Variants in KLHL3 observed in about 807,000 individuals in gnomAD.
The protein encoded by KLHL3 is kelch like family member 3.
KLHL3 carries 19 observed loss-of-function variants against 70.5 expected under a neutral mutation model. The ratio of observed to expected loss-of-function variants is 0.27; its 90% CI spans 0.19 to 0.40. KLHL3 has a LOEUF of 0.40. KLHL3 is among the 10% of genes least tolerant of loss of function. KLHL3 has a pLI of 1.00. For synonymous variants in KLHL3, 258 were observed against 290.3 expected (o/e 0.89, Z 1.13); for missense variants, 512 against 771.1 (o/e 0.66, Z 3.98).
chr5:137,617,913 C>T lies in KLHL3; in HGVS notation c.*4185G>A, dbSNP rs914974414. On this transcript the variant is annotated 3_prime_UTR_variant, in exon 15 of 15. Transcript: ENST00000309755. ...TGGGGGAGCGAATAATTTACAATCT[C>T]ATAACCAAACATGGCACTAGGGTGA... 10 of 152,508 alleles carry T rather than the reference C, an allele frequency of 6.6e-5. No individual in the cohort carries two copies. Among genetic ancestry groups the T allele is most frequent in the Non-Finnish European group, 1.5e-4 (10 of 68,036 alleles). The allele number at this position is 152,508 out of a possible 1,614,324, so 9.4% of individuals were successfully genotyped here.
intron 6 of KLHL3, among the ~76,000 whole-genome samples, chr5:137,676,251 T>C (rs909304735): frequency 6.6e-6 from 1 of 152,214 alleles, no homozygotes; most frequent in African/African-American, 2.4e-5. Flanking sequence ...AGGCAGGGGT[T>C]TGTGAATTTT....
chr5:137,641,447 T>C (rs1580726370), intron 8 of KLHL3, among the ~76,000 whole-genome samples: 1 of 152,140 alleles, frequency 6.6e-6, no homozygotes, highest in Non-Finnish European at 1.5e-5. Context: ...CTAGGGTTCA[T>C]ACTTTGAGAA....
intron 6 of KLHL3, among the ~76,000 whole-genome samples, chr5:137,672,443 C>T (rs559271688): frequency 6.6e-6 from 1 of 152,204 alleles, no homozygotes; most frequent in Non-Finnish European, 1.5e-5. Flanking sequence ...AAGGAGACAA[C>T]AGCGCATTTT....
At chr5:137,735,352 T>A (rs551469306) in intron 1 of KLHL3, among the ~76,000 whole-genome samples, 1 of 152,218 alleles carries the variant, frequency 6.6e-6, no homozygotes, top group Non-Finnish European at 1.5e-5. Context: ...CTGAAACTAT[T>A]CCCGAACACC....
chr5:137,707,082 G>A (rs1752699607), intron 3 of KLHL3, among the ~76,000 whole-genome samples: 1 of 152,068 alleles, frequency 6.6e-6, no homozygotes, highest in Admixed American at 6.6e-5. Flanking sequence ...GCCAAAAGAT[G>A]GAGGAGAGAA....
intron 6 of KLHL3, among the ~76,000 whole-genome samples, chr5:137,676,953 C>T (rs984800060): frequency 1.3e-5 from 2 of 152,120 alleles, no homozygotes; most frequent in African/African-American, 4.8e-5. Flanking sequence ...GTGGAATGAG[C>T]CCAAGAACAT....
intron 2 of KLHL3, 101 bp downstream of exon 2, chr5:137,720,364 G>A: frequency 7.2e-7 from 1 of 1,388,632 alleles, no homozygotes; most frequent in Non-Finnish European, 1.0e-6. Context: ...GAAAGAGTCA[G>A]AATTCCCTAG....
At chr5:137,683,240 A>G (rs1400748272) in intron 5 of KLHL3, among the ~76,000 whole-genome samples, 1 of 152,090 alleles carries the variant, frequency 6.6e-6, no homozygotes, top group African/African-American at 2.4e-5. Context: ...GGACGGGAAC[A>G]TACTCATTGT....
chr5:137,672,461 G>C (rs1391132278), intron 6 of KLHL3, among the ~76,000 whole-genome samples: 2 of 152,192 alleles, frequency 1.3e-5, no homozygotes, highest in Admixed American at 1.3e-4. Context: ...TTTAAAATGT[G>C]ATAATGCAAA....
intron 12 of KLHL3, among the ~76,000 whole-genome samples, chr5:137,630,511 A>T (rs1025396847): frequency 3.3e-5 from 5 of 152,106 alleles, no homozygotes; most frequent in African/African-American, 1.2e-4. Flanking sequence ...AGGAGCAGTC[A>T]CACATCTCAG....
chr5:137,722,387 A>C (rs1463073760), intron 1 of KLHL3, among the ~76,000 whole-genome samples: 2 of 152,182 alleles, frequency 1.3e-5, no homozygotes, highest in Non-Finnish European at 2.9e-5. Context: ...TTCTGTGCAC[A>C]AGGAAGTTAG....
Position 137,698,350 on chromosome 5 carries a change from C to A in KLHL3, c.300G>T (p.Thr100=). 6.2e-7 allele frequency: 1 copy of A among 1,614,130 alleles called. No homozygotes were observed. The highest frequency in any genetic ancestry group is 8.5e-7 in the Non-Finnish European group (1 of 1,179,982). Residue 100 remains threonine (T), a synonymous_variant, in exon 4 of 15, where the codon ACG becomes ACT. Transcript: ENST00000309755. ...AGATGTAGTCAATCAGCTTACTCAG[C>A]GTCTGCCCATCCACGTCCTTGATTT... ...KIEIKDVDGQ[T]LSKLIDYIYT... is the part of the protein sequence containing the mutation.
At chr5:137,644,397 T>A (rs935528620) in intron 8 of KLHL3, among the ~76,000 whole-genome samples, 7 of 152,190 alleles carry the variant, frequency 4.6e-5, no homozygotes, top group Non-Finnish European at 7.3e-5. Flanking sequence ...TATATATACC[T>A]CATTTTAAAA....
chr5:137,689,975 A>T (rs1270491392), intron 5 of KLHL3, among the ~76,000 whole-genome samples: 3 of 152,232 alleles, frequency 2.0e-5, no homozygotes, highest in Non-Finnish European at 4.4e-5. Context: ...GAAGAAGGAG[A>T]CAGAATTTCT....
intron 2 of KLHL3, among the ~76,000 whole-genome samples, chr5:137,712,377 A>C (rs1049827723): frequency 6.6e-6 from 1 of 152,208 alleles, no homozygotes; most frequent in Non-Finnish European, 1.5e-5. Context: ...ATAAAGATGG[A>C]GAATCCAGTT....
At chr5:137,706,475 G>A in intron 3 of KLHL3, 2 of 678,210 alleles carry the variant, frequency 2.9e-6, no homozygotes, top group Non-Finnish European at 3.6e-6. Flanking sequence ...TGGTACAACT[G>A]TTCTTTAGAT....
chr5:137,671,477 A>G (rs947828362), intron 6 of KLHL3, among the ~76,000 whole-genome samples: 4 of 152,170 alleles, frequency 2.6e-5, no homozygotes, highest in Admixed American at 1.3e-4. Context: ...CCTGTCACTC[A>G]TCTCTGTACC....
chr5:137,706,337 C>G lies in KLHL3; in HGVS notation c.241+3413G>C, dbSNP rs190665100. On this transcript the variant is annotated intron_variant, in intron 3 of 14. Transcript: ENST00000309755. ...CATTTTACACGTTTTGAAGCTGAAC[C>G]TGATAATTAGAACAAAATTTTGCAA... 1.1e-5 allele frequency: 11 copies of G among 985,302 alleles called. No individual in the cohort carries two copies. In the East Asian group the frequency reaches 1.2e-3, roughly 112 times the overall value. The allele number at this position is 985,302 out of a possible 1,614,324, so 61.0% of individuals were successfully genotyped here.
chr5:137,684,209 T>C (rs1752107484), intron 5 of KLHL3, among the ~76,000 whole-genome samples: 1 of 152,222 alleles, frequency 6.6e-6, no homozygotes, highest in African/African-American at 2.4e-5. Context: ...GAGAAAATAA[T>C]AACTCTTATA....
Sources: gnomAD v4.1 joint callset for allele counts (sites outside exome capture counted in the v4.1 genomes callset) on GRCh38, gnomAD v4.1.1 for gene constraint, MANE v1.5 for transcripts, NCBI Gene and HGNC (gene_info 2026-07-23, HGNC 2026-07-21) for gene names.